The following ARHGAP32 variants were observed in gnomAD, a reference collection of about 807,000 sequenced individuals.
ARHGAP32 encodes the protein Rho GTPase activating protein 32.
ARHGAP32 carries 51 observed loss-of-function variants against 186.5 expected under a neutral mutation model. The observed-to-expected ratio is 0.27, with a 90% CI of 0.22 to 0.35. ARHGAP32 has a LOEUF of 0.35. ARHGAP32 is among the 10% of genes least tolerant of loss of function. The pLI is 1.00. For missense variants in ARHGAP32, 2,186 were observed against 2,623.5 expected, an observed-to-expected ratio of 0.83 and a Z score of 3.64; for synonymous variants, 950 against 964.3, an observed-to-expected ratio of 0.99 and a Z score of 0.27.
chr11:129,074,517 G>A (rs1940975540), intron 6 of ARHGAP32, among the ~76,000 whole-genome samples: 1 of 151,784 alleles, frequency 6.6e-6, no homozygotes, highest in Non-Finnish European at 1.5e-5. Flanking sequence ...TTTTTGAGAT[G>A]GAGTCTCGCT....
At chr11:129,050,145 A>G (rs141662479) in intron 10 of ARHGAP32, among the ~76,000 whole-genome samples, 117 of 152,350 alleles carry the variant, frequency 7.7e-4, no homozygotes, top group African/African-American at 2.7e-3. Flanking sequence ...ATGAGTTGTG[A>G]CATCTTAAAT....
chr11:128,985,565 C>T (rs1001084527), intron 15 of ARHGAP32, among the ~76,000 whole-genome samples: 11 of 152,112 alleles, frequency 7.2e-5, no homozygotes, highest in Admixed American at 7.2e-4. Context: ...ATATTTCCAA[C>T]ACTCCAAACT....
intron 1 of ARHGAP32, among the ~76,000 whole-genome samples, chr11:129,188,225 G>C (rs1944202399): frequency 6.6e-6 from 1 of 152,104 alleles, no homozygotes; most frequent in Admixed American, 6.6e-5. Context: ...CAAAGTGCTG[G>C]GATTACAGGT....
intron 1 of ARHGAP32, among the ~76,000 whole-genome samples, chr11:129,228,002 AT>A (rs559486719): frequency 2.3e-3 from 343 of 152,274 alleles, no homozygotes; most frequent in Non-Finnish European, 4.2e-3. Flanking sequence ...ATCTTGATAC[AT>A]TTAAAAGGAC....
chr11:129,027,975 G>T (rs1477698406), intron 11 of ARHGAP32, among the ~76,000 whole-genome samples: 1 of 152,156 alleles, frequency 6.6e-6, no homozygotes, highest in Non-Finnish European at 1.5e-5. Context: ...TCTTTACTCA[G>T]GGCAAGAAAA....
chr11:128,995,284 G>A (rs1420482551), intron 12 of ARHGAP32, among the ~76,000 whole-genome samples: 3 of 152,096 alleles, frequency 2.0e-5, no homozygotes, highest in African/African-American at 7.2e-5. Context: ...ATAGCTTACT[G>A]TAGTCTCCAA....
intron 1 of ARHGAP32, among the ~76,000 whole-genome samples, chr11:129,241,401 G>C (rs1945016137): frequency 6.6e-6 from 1 of 152,150 alleles, no homozygotes; most frequent in African/African-American, 2.4e-5. Flanking sequence ...CCAGTGCTTT[G>C]GGAGGCCGAG....
chr11:129,062,317 A>G lies in ARHGAP32; in HGVS notation c.926T>C (p.Val309Ala). The G allele has an allele frequency of 1.2e-6, 2 of 1,613,722 alleles. No individual in the cohort carries two copies. The highest frequency in any genetic ancestry group is 1.1e-5 in the South Asian group (1 of 91,064). ...CTTGCCTCTCCACCATGTGCTTAAC[A>G]CTTTCGGGGGCATGTCAATAACAGA... Reference protein sequence around the residue: ...IVSVIDMPPKVLSTWWRGKHG... With the variant: ...IVSVIDMPPKALSTWWRGKHG... Residue 309 changes from valine to alanine, a missense_variant, in exon 10 of 23, where the codon GTG (valine) becomes GCG (alanine). By Grantham distance (64) the Val-to-Ala change is moderately conservative (BLOSUM62 0). This residue lies in a region of ARHGAP32 where 308 missense variants were observed against 596.5 expected (regional missense o/e 0.52). Transcript: ENST00000682385.
chr11:129,278,786 GT>G (rs1945568931), intron 1 of ARHGAP32, among the ~76,000 whole-genome samples: 1 of 151,234 alleles, frequency 6.6e-6, no homozygotes, highest in African/African-American at 2.4e-5. Context: ...GAGCGCCGGT[GT>G]CCCTGGAGCC....
chr11:129,262,903 T>C lies in ARHGAP32; in HGVS notation c.-5+16243A>G, dbSNP rs193242421. Among the ~76,000 whole-genome samples the C allele has an allele frequency of 4.6e-3, 702 of 152,324 alleles. 5 individuals carry two copies. Among genetic ancestry groups the C allele is most frequent in the Admixed American group, 7.1e-3 (109 of 15,298 alleles). On this transcript the variant is annotated intron_variant, in intron 1 of 6. Transcript: ENST00000525234. Reference sequence around the variant, plus strand: ...GTTAATATTGTCTATCAGTCACACCTCAATGTCAATCACCTCCTCTATAAA... The same window carrying C: ...GTTAATATTGTCTATCAGTCACACCCCAATGTCAATCACCTCCTCTATAAA...
At chr11:129,224,559 T>A (rs1944754792) in intron 1 of ARHGAP32, among the ~76,000 whole-genome samples, 1 of 151,912 alleles carries the variant, frequency 6.6e-6, no homozygotes, top group African/African-American at 2.4e-5. Flanking sequence ...CCCTATTCCT[T>A]CCCTCTGATC....
intron 5 of ARHGAP32, among the ~76,000 whole-genome samples, chr11:129,113,552 C>T (rs1325286158): frequency 6.6e-6 from 1 of 151,636 alleles, no homozygotes; most frequent in East Asian, 1.9e-4. Flanking sequence ...CATGACATAC[C>T]TTTTTCTTAG....
intron 1 of ARHGAP32, among the ~76,000 whole-genome samples, chr11:129,234,930 C>A (rs975571673): frequency 2.6e-5 from 4 of 152,110 alleles, no homozygotes; most frequent in Non-Finnish European, 5.9e-5. Flanking sequence ...TGGTTTTGAC[C>A]AGTGGCCCCC....
At chr11:129,221,454 G>T (rs1438479583) in intron 1 of ARHGAP32, among the ~76,000 whole-genome samples, 1 of 148,476 alleles carries the variant, frequency 6.7e-6, no homozygotes, top group East Asian at 2.0e-4. Flanking sequence ...CATTACAATC[G>T]AAACAAGCTT....
At chr11:129,111,852 T>A (rs1190567312) in intron 5 of ARHGAP32, among the ~76,000 whole-genome samples, 2 of 152,210 alleles carry the variant, frequency 1.3e-5, no homozygotes, top group East Asian at 3.9e-4. Context: ...AACTTCCACT[T>A]CCTGGGTTCA....
intron 22 of ARHGAP32, 183 bp downstream of exon 22, chr11:128,972,270 G>C: frequency 1.9e-6 from 1 of 516,698 alleles, no homozygotes; most frequent in Non-Finnish European, 3.2e-6. Context: ...CTTTCCTGGG[G>C]AAAAGCCAGC....
chr11:129,114,030 T>C (rs1942298129), intron 5 of ARHGAP32, among the ~76,000 whole-genome samples: 1 of 152,060 alleles, frequency 6.6e-6, no homozygotes, highest in African/African-American at 2.4e-5. Flanking sequence ...GTCATCCCCT[T>C]TTTTCCTACT....
chr11:129,092,585 A>G (rs942275980), intron 6 of ARHGAP32, among the ~76,000 whole-genome samples: 2 of 152,000 alleles, frequency 1.3e-5, no homozygotes, highest in Admixed American at 6.5e-5. Context: ...TATAAACAAT[A>G]CGTGAATTTG....
chr11:129,068,230 T>C (rs1253447748), intron 6 of ARHGAP32, among the ~76,000 whole-genome samples: 2 of 152,094 alleles, frequency 1.3e-5, no homozygotes, highest in African/African-American at 2.4e-5. Context: ...CTGATCTTAC[T>C]GGCTATTACT....
Sources: gnomAD v4.1 joint callset for allele counts (sites outside exome capture counted in the v4.1 genomes callset) on GRCh38, gnomAD v4.1.1 for gene constraint, gnomAD v4.1.1 regional missense constraint, MANE v1.5 for transcripts, NCBI Gene and HGNC (gene_info 2026-07-23, HGNC 2026-07-21) for gene names.